Variants in PLPPR1 observed in about 807,000 individuals in gnomAD.
PLPPR1 encodes the protein phospholipid phosphatase related 1, also known as phospholipid phosphatase-related protein type 1.
Under a neutral mutation model 33.1 loss-of-function variants are expected in PLPPR1, and 10 were observed. The ratio of observed to expected loss-of-function variants is 0.30; its 90% CI spans 0.19 to 0.51. PLPPR1 has a LOEUF of 0.51. PLPPR1 is among the 20% of genes least tolerant of loss of function. The pLI is 0.97. For missense variants in PLPPR1, 304 were observed against 408.1 expected, an observed-to-expected ratio of 0.74 and a Z score of 2.20; for synonymous variants, 151 against 151.0, an observed-to-expected ratio of 1.00 and a Z score of 0.00.
At chr9:101,031,273 C>T (rs1156436939) in intron 1 of PLPPR1, among the ~76,000 whole-genome samples, 2 of 152,084 alleles carry the variant, frequency 1.3e-5, no homozygotes, top group Admixed American at 1.3e-4. Context: ...TTTCCTCTTC[C>T]TTCATCTGCA....
At chr9:101,102,093 CTT>C (rs397937393) in intron 1 of PLPPR1, among the ~76,000 whole-genome samples, 900 of 71,846 alleles carry the variant, frequency 0.013, 11 homozygotes, top group South Asian at 0.045. Flanking sequence ...GTAGGAACAA[CTT>C]TTTTTTTTTT....
chr9:101,059,065 G>T (rs1381222989), intron 1 of PLPPR1, among the ~76,000 whole-genome samples: 1 of 152,054 alleles, frequency 6.6e-6, no homozygotes, highest in South Asian at 2.1e-4. Flanking sequence ...TAACTTTTTG[G>T]TCTGTTTTTT....
At chr9:101,115,658 T>C (rs1274176901) in intron 1 of PLPPR1, among the ~76,000 whole-genome samples, 1 of 152,218 alleles carries the variant, frequency 6.6e-6, no homozygotes, top group East Asian at 1.9e-4. Flanking sequence ...TGAGCATATA[T>C]ACCATATGGC....
chr9:101,035,635 AT>A (rs1418674231), intron 1 of PLPPR1, among the ~76,000 whole-genome samples: 1 of 152,030 alleles, frequency 6.6e-6, no homozygotes, highest in African/African-American at 2.4e-5. Flanking sequence ...CCAACTCTGT[AT>A]TTTTTTGTGC....
chr9:101,226,246 C>T (rs1229948305), intron 2 of PLPPR1, among the ~76,000 whole-genome samples: 1 of 152,116 alleles, frequency 6.6e-6, no homozygotes, highest in East Asian at 1.9e-4. Context: ...TGTGCACACA[C>T]ATGTATGTGT....
Position 101,305,952 on chromosome 9 carries a change from C to A in PLPPR1, c.386-3259C>A, listed in dbSNP as rs1180814520. ...AAAACCCTGAGAAAAAAGTGAGAGA[C>A]TTTAACACCTTCATCATCCTCTTTC... is the stretch of plus-strand genomic sequence containing the variant. On this transcript the variant is annotated intron_variant, in intron 4 of 7. Transcript: ENST00000374874. 1.8e-4 allele frequency among the ~76,000 whole-genome samples: 28 copies of A among 152,140 alleles called. 1 individual carries two copies. The highest frequency in any genetic ancestry group is 1.8e-3 in the Admixed American group (28 of 15,270).
At chr9:101,132,443 C>A (rs1239170914) in intron 1 of PLPPR1, among the ~76,000 whole-genome samples, 2 of 152,144 alleles carry the variant, frequency 1.3e-5, no homozygotes, top group Non-Finnish European at 2.9e-5. Context: ...AACTATATGT[C>A]ATTCTGGAAA....
chr9:101,070,942 G>T (rs1339251416), intron 1 of PLPPR1, among the ~76,000 whole-genome samples: 2 of 151,972 alleles, frequency 1.3e-5, no homozygotes, highest in Non-Finnish European at 2.9e-5. Context: ...CAAAAATTTG[G>T]GTTAGTTTAT....
chr9:101,142,740 C>T (rs1356105944), intron 1 of PLPPR1, among the ~76,000 whole-genome samples: 3 of 152,098 alleles, frequency 2.0e-5, no homozygotes, highest in Non-Finnish European at 4.4e-5. Context: ...CATTTGGCTG[C>T]TGCTGCTTTT....
chr9:101,173,794 AT>A (rs1825981218), intron 1 of PLPPR1, among the ~76,000 whole-genome samples: 1 of 152,080 alleles, frequency 6.6e-6, no homozygotes, highest in African/African-American at 2.4e-5. Context: ...GTCTGTAGAA[AT>A]TTTTAGTTTT....
intron 2 of PLPPR1, among the ~76,000 whole-genome samples, chr9:101,261,266 A>C (rs1026686645): frequency 2.0e-5 from 3 of 152,182 alleles, no homozygotes; most frequent in Non-Finnish European, 4.4e-5. Context: ...CTTTGGACTT[A>C]CTTTTATAAT....
At chr9:101,157,163 T>C (rs1404893165) in intron 1 of PLPPR1, among the ~76,000 whole-genome samples, 1 of 152,204 alleles carries the variant, frequency 6.6e-6, no homozygotes, top group Non-Finnish European at 1.5e-5. Context: ...GCTTACACTT[T>C]TTGGTCCCCA....
At chr9:101,214,932 A>C (rs550187176) in intron 2 of PLPPR1, among the ~76,000 whole-genome samples, 1 of 151,908 alleles carries the variant, frequency 6.6e-6, no homozygotes, top group South Asian at 2.1e-4. Context: ...CTGAGGCAGG[A>C]GAATCACCTG....
chr9:101,031,143 A>G (rs1829940210), intron 1 of PLPPR1, among the ~76,000 whole-genome samples: 1 of 152,184 alleles, frequency 6.6e-6, no homozygotes, highest in African/African-American at 2.4e-5. Context: ...AATTGTCAGC[A>G]TATGTCCTTT....
chr9:101,101,535 A>G (rs943961), intron 1 of PLPPR1, among the ~76,000 whole-genome samples: 72,634 of 149,994 alleles, frequency 0.48, 17,640 homozygotes, highest in East Asian at 0.53. Context: ...AAAAAAAAAA[A>G]GAAACAATAA....
At chr9:101,043,313 G>GTA (rs140356008) in intron 1 of PLPPR1, among the ~76,000 whole-genome samples, 2,153 of 150,874 alleles carry the variant, frequency 0.014, 29 homozygotes, top group African/African-American at 0.033. Context: ...GTATATATGT[G>GTA]TATATACACA....
intron 2 of PLPPR1, among the ~76,000 whole-genome samples, chr9:101,248,286 A>AG (rs1161082687): frequency 6.6e-6 from 1 of 152,118 alleles, no homozygotes; most frequent in African/African-American, 2.4e-5. Context: ...TAACTGTGTA[A>AG]GAATATAACT....
chr9:101,197,202 T>C (rs1437203989), intron 2 of PLPPR1, among the ~76,000 whole-genome samples: 1 of 152,160 alleles, frequency 6.6e-6, no homozygotes, highest in Non-Finnish European at 1.5e-5. Flanking sequence ...CGTATCTGTT[T>C]CCTCAAGCAA....
chr9:101,212,574 T>G (rs1309932394), intron 2 of PLPPR1, among the ~76,000 whole-genome samples: 1 of 152,232 alleles, frequency 6.6e-6, no homozygotes, highest in Admixed American at 6.5e-5. Context: ...ATCATTCTTC[T>G]TAGTACAATA....
Sources: gnomAD v4.1 joint callset for allele counts (sites outside exome capture counted in the v4.1 genomes callset) on GRCh38, gnomAD v4.1.1 for gene constraint, MANE v1.5 for transcripts, NCBI Gene and HGNC (gene_info 2026-07-23, HGNC 2026-07-21) for gene names.